The following MYO18B variants were observed in gnomAD, a reference collection of about 807,000 sequenced individuals.
The protein encoded by MYO18B is myosin XVIIIB, also known as unconventional myosin-XVIIIb.
Under a neutral mutation model 273.0 loss-of-function variants are expected in MYO18B, and 204 were observed. That is an observed-to-expected ratio of 0.75 (90% CI 0.67 to 0.84). The LOEUF (loss-of-function observed/expected upper bound fraction) is 0.84. MYO18B is among the 40% of genes least tolerant of loss of function. The pLI, the probability that MYO18B is intolerant of heterozygous loss-of-function variation, is 0.00. For missense variants in MYO18B, 3,212 were observed against 3,287.6 expected (o/e 0.98, Z 0.56); for synonymous variants, 1,330 against 1,305.7 (o/e 1.02, Z -0.40).
chr22:25,770,235 C>A, intron 5 of MYO18B, 59 bp downstream of exon 5: 2 of 1,532,678 alleles, frequency 1.3e-6, no homozygotes, highest in Non-Finnish European at 1.8e-6. Context: ...CCCCCTACTG[C>A]TGCCAGCCAT....
intron 34 of MYO18B, among the ~76,000 whole-genome samples, chr22:25,945,629 G>T (rs1222810128): frequency 2.6e-5 from 4 of 151,740 alleles, no homozygotes; most frequent in South Asian, 2.1e-4. Flanking sequence ...GGGAGGGGCT[G>T]GGCTGAGCTA....
At chr22:25,748,358 G>A (rs1021608839) in intron 1 of MYO18B, among the ~76,000 whole-genome samples, 1 of 152,144 alleles carries the variant, frequency 6.6e-6, no homozygotes, top group Admixed American at 6.5e-5. Flanking sequence ...TCCCTTCCCT[G>A]GTCTATGGAT....
At chr22:25,915,880 A>G (rs1357679190) in intron 33 of MYO18B, among the ~76,000 whole-genome samples, 2 of 152,206 alleles carry the variant, frequency 1.3e-5, no homozygotes, top group Non-Finnish European at 2.9e-5. Context: ...GTCTTTGTCA[A>G]GTGTTGTACT....
chr22:25,828,008 A>G (rs1350369688), intron 14 of MYO18B, among the ~76,000 whole-genome samples: 2 of 152,226 alleles, frequency 1.3e-5, no homozygotes, highest in East Asian at 1.9e-4. Context: ...AAACAACAGA[A>G]GAACCAAGGT....
intron 42 of MYO18B, among the ~76,000 whole-genome samples, chr22:26,010,231 A>T (rs966720279): frequency 6.6e-6 from 1 of 152,030 alleles, no homozygotes; most frequent in Non-Finnish European, 1.5e-5. Flanking sequence ...GTGCTCCTAG[A>T]CTCTGGCAAA....
In MYO18B at chr22:25,768,251, C is replaced by G; in HGVS notation, c.335C>G (p.Ser112Cys). 6.2e-7 allele frequency: 1 copy of G among 1,613,974 alleles called. No individual in the cohort carries two copies. Among genetic ancestry groups the G allele is most frequent in the Non-Finnish European group, 8.5e-7 (1 of 1,179,886 alleles). The change falls in exon 4 of 44, where the codon TCC becomes TGC. Residue 112 changes from serine to cysteine, a missense_variant. Coordinates refer to ENST00000335473, the MANE Select transcript of MYO18B (RefSeq NM_032608.7). The part of the protein sequence containing the change: ...SDILGKESEG[S>C]RSPDPEQMTS... ...ATTCTGGGCAAGGAGAGCGAGGGGT[C>G]CCGCAGCCCCGACCCTGAGCAGATG...
At chr22:25,954,906 C>T (rs8140409) in intron 38 of MYO18B, among the ~76,000 whole-genome samples, 6 of 152,090 alleles carry the variant, frequency 3.9e-5, no homozygotes, top group Middle Eastern at 6.8e-3. Flanking sequence ...GAAGGGATTT[C>T]GCCATGTTGG....
chr22:25,810,824 G>A (rs2088715835), intron 12 of MYO18B, among the ~76,000 whole-genome samples: 1 of 152,020 alleles, frequency 6.6e-6, no homozygotes, highest in Non-Finnish European at 1.5e-5. Flanking sequence ...TGTCCCCACA[G>A]CTCTCCCTAT....
chr22:25,989,665 G>A (rs2093241671), intron 39 of MYO18B, among the ~76,000 whole-genome samples: 1 of 148,730 alleles, frequency 6.7e-6, no homozygotes, highest in Admixed American at 6.7e-5. Flanking sequence ...CAGCGTGGTG[G>A]CAGGTGCCTG....
chr22:25,878,081 G>A (rs2091250055), intron 25 of MYO18B, 33 bp downstream of exon 25: 4 of 1,517,756 alleles, frequency 2.6e-6, no homozygotes, highest in South Asian at 2.4e-5. Flanking sequence ...GTCCTTGTGG[G>A]GGGTCTTTAT....
rs560180531 is a variant in MYO18B, at chr22:26,030,661, G to T, written c.*231G>T. On this transcript the variant is annotated 3_prime_UTR_variant, in exon 44 of 44. Coordinates refer to ENST00000335473, the MANE Select transcript of MYO18B (RefSeq NM_032608.7). Reference sequence around the variant, plus strand: ...TCCTGGGCATCTGTGCCTTCTCTATGGCCTTGCTACCTGGGATTCCAGAGA... The same window carrying T: ...TCCTGGGCATCTGTGCCTTCTCTATTGCCTTGCTACCTGGGATTCCAGAGA... 7.4e-5 allele frequency: 26 copies of T among 351,170 alleles called. No homozygotes were observed. The Admixed American group carries it at 9.4e-4, about 13-fold the overall frequency. The allele number at this position is 351,170 out of a possible 1,614,324, so 21.8% of individuals were successfully genotyped here.
In MYO18B at chr22:25,768,578, T is replaced by C. The variant is rs773852377; in HGVS notation, c.662T>C (p.Leu221Pro). The C allele has an allele frequency of 1.4e-5, 21 of 1,530,550 alleles. No individual in the cohort carries two copies. The East Asian group carries it at 3.2e-4, about 23-fold the overall frequency. 94.8% of individuals were successfully genotyped at this position (1,530,550 alleles called of 1,614,324 possible). A position where few individuals can be genotyped will look rare whatever the true frequency, so the allele number is the denominator to read the frequency against. Residue 221 changes from leucine to proline, a missense_variant, in exon 4 of 44, where the codon CTT (leucine) becomes CCT (proline). Coordinates refer to ENST00000335473, the MANE Select transcript of MYO18B (RefSeq NM_032608.7). ...GCTGAGAAGACCCGGACTGGGGGTCTTGGGGACCCAGGCCAAGGAACTGTG... is the reference window on the plus strand; with the variant it reads ...GCTGAGAAGACCCGGACTGGGGGTCCTGGGGACCCAGGCCAAGGAACTGTG... ...PKAEKTRTGG[L>P]GDPGQGTVAL...
At chr22:25,900,094 C>A (rs921153307) in intron 29 of MYO18B, among the ~76,000 whole-genome samples, 2 of 152,184 alleles carry the variant, frequency 1.3e-5, no homozygotes, top group African/African-American at 4.8e-5. Context: ...CAGAATCCCT[C>A]ATTCCAGGCA....
chr22:25,854,686 G>T (rs2090517273), intron 21 of MYO18B, among the ~76,000 whole-genome samples: 1 of 152,084 alleles, frequency 6.6e-6, no homozygotes, highest in African/African-American at 2.4e-5. Context: ...CTCCCCTCAG[G>T]CTCTGGCCAT....
intron 31 of MYO18B, among the ~76,000 whole-genome samples, chr22:25,907,176 A>G (rs1347972010): frequency 6.6e-6 from 1 of 152,270 alleles, no homozygotes; most frequent in African/African-American, 2.4e-5. Context: ...AACGTGCCAC[A>G]AAATTTGAGA....
At chr22:25,899,121 A>C (rs1183597763) in intron 29 of MYO18B, 1 of 152,478 alleles carries the variant, frequency 6.6e-6, no homozygotes, top group East Asian at 1.9e-4. Context: ...GCTAATCTTG[A>C]ATCTGCACGG....
At chr22:25,947,373 A>C (rs921641973) in intron 35 of MYO18B, among the ~76,000 whole-genome samples, 3 of 151,908 alleles carry the variant, frequency 2.0e-5, no homozygotes, top group Admixed American at 2.0e-4. Flanking sequence ...TTGCATTTTC[A>C]TATATGTACT....
At chr22:25,769,771 T>C (rs918299337) in intron 4 of MYO18B, among the ~76,000 whole-genome samples, 5 of 152,034 alleles carry the variant, frequency 3.3e-5, no homozygotes, top group Admixed American at 6.5e-5. Context: ...ACGAGTAGAT[T>C]GTTAAAAATG....
At chr22:25,854,354 GT>G (rs2146064543) in intron 21 of MYO18B, among the ~76,000 whole-genome samples, 1 of 152,274 alleles carries the variant, frequency 6.6e-6, no homozygotes, top group African/African-American at 2.4e-5. Context: ...AGCTAAGACA[GT>G]ATTCAAAATA....
Sources: allele counts gnomAD v4.1 joint callset (sites outside exome capture counted in the v4.1 genomes callset), GRCh38; gene constraint gnomAD v4.1.1; transcripts MANE v1.5; gene names NCBI Gene and HGNC (gene_info 2026-07-23, HGNC 2026-07-21).